The following LUZP2 variants were observed in gnomAD, a reference collection of about 807,000 sequenced individuals.
LUZP2 encodes the protein leucine zipper protein 2.
LUZP2 carries 52 observed loss-of-function variants against 51.6 expected under a neutral mutation model. The observed-to-expected ratio is 1.01, with a 90% confidence interval of 0.81 to 1.27. LUZP2 has a LOEUF of 1.27. Among genes scored for constraint, LUZP2 ranks in the 50% most tolerant of loss-of-function variants. The pLI is 0.00. For synonymous variants in LUZP2, 154 were observed against 137.3 expected (o/e 1.12, Z -0.85); for missense variants, 436 against 395.4 (o/e 1.10, Z -0.87).
chr11:24,686,139 T>C (rs1200839973), intron 1 of LUZP2, among the ~76,000 whole-genome samples: 1 of 151,980 alleles, frequency 6.6e-6, no homozygotes, highest in African/African-American at 2.4e-5. Context: ...ATTTTCAGTA[T>C]GCAGTAAAAT....
chr11:24,652,731 A>T (rs948645817), intron 1 of LUZP2, among the ~76,000 whole-genome samples: 6 of 152,160 alleles, frequency 3.9e-5, no homozygotes, highest in Non-Finnish European at 5.9e-5. Context: ...GATGTCAACA[A>T]TACCTTCACA....
intron 1 of LUZP2, among the ~76,000 whole-genome samples, chr11:24,562,550 G>A (rs948549952): frequency 6.6e-6 from 1 of 151,754 alleles, no homozygotes; most frequent in African/African-American, 2.4e-5. Flanking sequence ...CCATTAAATA[G>A]GGACAATAAA....
At chr11:24,736,593 C>T (rs1858948732) in intron 3 of LUZP2, among the ~76,000 whole-genome samples, 1 of 151,724 alleles carries the variant, frequency 6.6e-6, no homozygotes, top group African/African-American at 2.4e-5. Context: ...TTCACTACCC[C>T]TCTATGCATT....
chr11:24,570,623 A>G (rs537802409), intron 1 of LUZP2, among the ~76,000 whole-genome samples: 15 of 152,150 alleles, frequency 9.9e-5, no homozygotes, highest in African/African-American at 3.6e-4. Flanking sequence ...CAACGGCTTT[A>G]ATAAATAGAT....
chr11:24,697,194 A>T (rs1025765086), intron 1 of LUZP2, among the ~76,000 whole-genome samples: 1 of 152,186 alleles, frequency 6.6e-6, no homozygotes, highest in Non-Finnish European at 1.5e-5. Context: ...GAAAGAAATT[A>T]ACCAGGCTAC....
At chr11:24,661,434 T>C (rs903971722) in intron 1 of LUZP2, among the ~76,000 whole-genome samples, 3 of 152,164 alleles carry the variant, frequency 2.0e-5, no homozygotes, top group African/African-American at 7.2e-5. Flanking sequence ...ACAATTATCA[T>C]CTTTATTAGA....
intron 1 of LUZP2, among the ~76,000 whole-genome samples, chr11:24,542,940 A>G (rs760244051): frequency 1.5e-4 from 23 of 151,460 alleles, no homozygotes; most frequent in Non-Finnish European, 2.7e-4. Flanking sequence ...AAAAAAAACT[A>G]GAAAAATTTA....
intron 9 of LUZP2, among the ~76,000 whole-genome samples, chr11:25,004,211 C>A (rs1856772036): frequency 1.3e-5 from 2 of 152,172 alleles, no homozygotes; most frequent in Admixed American, 6.5e-5. Context: ...GGCAGTGCAC[C>A]TTCCAGTGAT....
intron 1 of LUZP2, among the ~76,000 whole-genome samples, chr11:24,523,862 A>T (rs1185077322): frequency 2.0e-5 from 3 of 151,756 alleles, no homozygotes; most frequent in Non-Finnish European, 4.4e-5. Flanking sequence ...ATAAAAATGA[A>T]ATGTTATTTT....
intron 5 of LUZP2, among the ~76,000 whole-genome samples, chr11:24,832,944 G>T (rs916021417): frequency 1.3e-5 from 2 of 152,080 alleles, no homozygotes; most frequent in East Asian, 3.9e-4. Flanking sequence ...CAGAGGTCTG[G>T]ATTTCAATTC....
At chr11:24,883,398 T>C (rs1225180336) in intron 5 of LUZP2, among the ~76,000 whole-genome samples, 1 of 152,010 alleles carries the variant, frequency 6.6e-6, no homozygotes, top group Non-Finnish European at 1.5e-5. Flanking sequence ...TTACCTGCAC[T>C]TGGAACAAAA....
chr11:24,635,130 A>G (rs1855038874), intron 1 of LUZP2, among the ~76,000 whole-genome samples: 1 of 152,130 alleles, frequency 6.6e-6, no homozygotes, highest in Admixed American at 6.6e-5. Context: ...AGATTTCACC[A>G]CTGGTCAACA....
intron 5 of LUZP2, among the ~76,000 whole-genome samples, chr11:24,844,056 G>T (rs1434064410): frequency 1.3e-5 from 2 of 152,172 alleles, no homozygotes; most frequent in Non-Finnish European, 2.9e-5. Flanking sequence ...GATACCCAGA[G>T]ATGTGGAAGT....
intron 5 of LUZP2, among the ~76,000 whole-genome samples, chr11:24,806,424 T>G (rs1849858593): frequency 6.6e-6 from 1 of 152,198 alleles, no homozygotes; most frequent in East Asian, 1.9e-4. Context: ...GTGCACATTT[T>G]TGTAAACTAT....
chr11:24,802,463 T>A (rs1849723287), intron 5 of LUZP2, among the ~76,000 whole-genome samples: 1 of 152,012 alleles, frequency 6.6e-6, no homozygotes, highest in South Asian at 2.1e-4. Flanking sequence ...TGCCACTGTT[T>A]TTTTTTTAAT....
At chr11:24,912,198 T>C (rs1390938054) in intron 6 of LUZP2, among the ~76,000 whole-genome samples, 1 of 151,560 alleles carries the variant, frequency 6.6e-6, no homozygotes, top group African/African-American at 2.4e-5. Flanking sequence ...CCACTTCCTC[T>C]TTACCTCCCC....
chr11:24,579,167 A>T (rs1852763515), intron 1 of LUZP2, among the ~76,000 whole-genome samples: 2 of 152,252 alleles, frequency 1.3e-5, no homozygotes, highest in South Asian at 4.1e-4. Flanking sequence ...AATACATATA[A>T]ATGTGTTGAC....
At chr11:24,734,696 T>C (rs1332490679) in intron 3 of LUZP2, among the ~76,000 whole-genome samples, 1 of 151,960 alleles carries the variant, frequency 6.6e-6, no homozygotes, top group Non-Finnish European at 1.5e-5. Flanking sequence ...TATATTATGG[T>C]AAAAGAGACT....
chr11:24,984,324 G>A (rs1590803325), intron 9 of LUZP2, among the ~76,000 whole-genome samples: 1 of 150,958 alleles, frequency 6.6e-6, no homozygotes, highest in Non-Finnish European at 1.5e-5. Flanking sequence ...TTTTCAGGAT[G>A]GAGAGTCATA....
Sources: gnomAD v4.1 joint callset for allele counts (sites outside exome capture counted in the v4.1 genomes callset) on GRCh38, gnomAD v4.1.1 for gene constraint, MANE v1.5 for transcripts, NCBI Gene and HGNC (gene_info 2026-07-23, HGNC 2026-07-21) for gene names.